Variants in RREB1 observed in about 807,000 individuals in gnomAD.
RREB1 encodes the protein ras-responsive element-binding protein 1.
Under a neutral mutation model 117.8 loss-of-function variants are expected in RREB1, and 27 were observed. That is an observed-to-expected ratio of 0.23 (90% CI 0.17 to 0.32). The LOEUF (loss-of-function observed/expected upper bound fraction) is 0.32. RREB1 is among the 10% of genes least tolerant of loss of function. RREB1 has a pLI of 1.00. For synonymous variants in RREB1, 1,298 were observed against 1,026.7 expected, an observed-to-expected ratio of 1.26 and a Z score of -5.05; for missense variants, 2,577 against 2,378.2, an observed-to-expected ratio of 1.08 and a Z score of -1.74.
In RREB1 at chr6:7,230,952, C is replaced by G; in HGVS notation, c.2853C>G (p.Ala951=). Residue 951 remains alanine (A), a synonymous_variant, in exon 10 of 13, where the codon GCC becomes GCG. Transcript: ENST00000379938. ...KNFRKGDKDL[A]TPSEAKKPEE... ...TCAGGAAAGGGGACAAGGATTTGGC[C>G]ACTCCCAGCGAAGCCAAGAAGCCTG... 1 of 1,614,042 alleles carries G rather than the reference C, an allele frequency of 6.2e-7. No individual in the cohort carries two copies. The highest frequency in any genetic ancestry group is 1.1e-5 in the South Asian group (1 of 91,060).
At chr6:7,207,080 C>CA (rs1324649158) in intron 6 of RREB1, among the ~76,000 whole-genome samples, 1 of 152,052 alleles carries the variant, frequency 6.6e-6, no homozygotes, top group African/African-American at 2.4e-5. Context: ...AATAAGAGAG[C>CA]AAGAGGAAGA....
At chr6:7,186,864 TGAG>T (rs1765108125) in intron 4 of RREB1, among the ~76,000 whole-genome samples, 1 of 152,152 alleles carries the variant, frequency 6.6e-6, no homozygotes, top group African/African-American at 2.4e-5. Context: ...ATGTTTTTGT[TGAG>T]TATTTATGAG....
chr6:7,194,628 A>G (rs1765576894), intron 6 of RREB1, among the ~76,000 whole-genome samples: 1 of 152,190 alleles, frequency 6.6e-6, no homozygotes, highest in Non-Finnish European at 1.5e-5. Flanking sequence ...ATCAGAGGAG[A>G]GGACTAAATT....
At position 7,247,026 on chromosome 6, in the gene RREB1, A is replaced by G; in HGVS notation, c.4576A>G (p.Thr1526Ala). 6.2e-7 allele frequency: 1 copy of G among 1,610,654 alleles called. No individual in the cohort carries two copies. The highest frequency in any genetic ancestry group is 1.7e-4 in the Middle Eastern group (1 of 6,050). The change falls in exon 12 of 13, where the codon ACG becomes GCG. Residue 1526 changes from threonine (T) to alanine (A), a missense_variant. Thr to Ala is a moderately conservative substitution (Grantham distance 58). Transcript: ENST00000379938. ...EAPAEKLAEE[T>A]EGPSDGESAA... ...CCCGGCGGAAAAGCTCGCGGAGGAGACGGAGGGCCCCTCCGACGGGGAGAG... is the reference window on the plus strand; with the variant it reads ...CCCGGCGGAAAAGCTCGCGGAGGAGGCGGAGGGCCCCTCCGACGGGGAGAG...
At chr6:7,129,481 C>G (rs1022232213) in intron 1 of RREB1, among the ~76,000 whole-genome samples, 2 of 152,190 alleles carry the variant, frequency 1.3e-5, no homozygotes, top group African/African-American at 2.4e-5. Flanking sequence ...GGGTGACTGC[C>G]GTGGCTCACT....
chr6:7,251,489 C>CTTGTTTTTTTTTTTTTTTTTTT lies in RREB1; in HGVS notation c.*2523_*2524insGTTTTTTTTTTTTTTTTTTTTT, dbSNP rs747198771. Reference sequence around the variant, plus strand: ...GTTTTTTGAGGTGCAAGTTTTTTCTCTTTTTTTTTTTTTTTTTTTTTTCTC... The same window carrying CTTGTTTTTTTTTTTTTTTTTTT: ...GTTTTTTGAGGTGCAAGTTTTTTCTCTTGTTTTTTTTTTTTTTTTTTTTTTTTTTTTTTTTTTTTTTTTTCTC... On this transcript the variant is annotated 3_prime_UTR_variant, in exon 13 of 13. Transcript: ENST00000379938. 1.6e-5 allele frequency: 2 copies of CTTGTTTTTTTTTTTTTTTTTTT among 121,354 alleles called. 1 individual carries two copies. Among genetic ancestry groups the CTTGTTTTTTTTTTTTTTTTTTT allele is most frequent in the Non-Finnish European group, 3.4e-5 (2 of 58,340 alleles). 7.5% of individuals were successfully genotyped at this position (121,354 alleles called of 1,614,324 possible).
chr6:7,207,041 T>G (rs200744165), intron 6 of RREB1, among the ~76,000 whole-genome samples: 1 of 152,296 alleles, frequency 6.6e-6, no homozygotes, highest in East Asian at 1.9e-4. Context: ...TTTTAGATGC[T>G]CAGTCTGGCT....
intron 5 of RREB1, among the ~76,000 whole-genome samples, chr6:7,188,250 T>TGC (rs1554122418): frequency 2.3e-4 from 33 of 146,236 alleles, no homozygotes; most frequent in African/African-American, 2.3e-4. Flanking sequence ...TGTGTGTGTG[T>TGC]GTGCGCGCGC....
chr6:7,230,137 G>T lies in RREB1; in HGVS notation c.2038G>T (p.Ala680Ser). The T allele has an allele frequency of 6.2e-7, 1 of 1,604,744 alleles. No homozygotes were observed. Residue 680 changes from alanine to serine, a missense_variant, in exon 10 of 13, where the codon GCC (alanine) becomes TCC (serine). By Grantham distance (99) the Ala-to-Ser change is moderately conservative (BLOSUM62 1). Transcript: ENST00000379938. ...PYQCNICDYI[A>S]ADKAALIRHL... is the part of the protein sequence containing the mutation. Reference sequence around the variant, plus strand: ...CCAGTGCAACATCTGCGACTACATCGCCGCCGACAAGGCCGCGCTCATCCG... The same window carrying T: ...CCAGTGCAACATCTGCGACTACATCTCCGCCGACAAGGCCGCGCTCATCCG...
chr6:7,200,282 AT>A (rs1163811223), intron 6 of RREB1, among the ~76,000 whole-genome samples: 15,652 of 97,736 alleles, frequency 0.16, 1,402 homozygotes, highest in African/African-American at 0.36. Context: ...GTGTGTGTGT[AT>A]TTTTTTTTTT....
rs1425137047 is a variant in RREB1, at chr6:7,230,502, C to T, written c.2403C>T (p.Ala801=). Residue 801 remains alanine (A), a synonymous_variant, in exon 10 of 13, where the codon GCC becomes GCT. Transcript: ENST00000379938. The part of the protein sequence containing the change: ...ECKECSAAFA[A]KRNCIHHILK... Reference sequence around the variant, plus strand: ...AGGAGTGCAGCGCCGCGTTCGCGGCCAAGCGCAACTGCATCCACCACATCC... The same window carrying T: ...AGGAGTGCAGCGCCGCGTTCGCGGCTAAGCGCAACTGCATCCACCACATCC... 6 of 1,593,524 alleles carry T rather than the reference C, an allele frequency of 3.8e-6. No individual in the cohort carries two copies. In the African/African-American group the frequency reaches 4.0e-5, roughly 11 times the overall value.
At chr6:7,136,345 T>G (rs905340434) in intron 1 of RREB1, among the ~76,000 whole-genome samples, 3 of 152,252 alleles carry the variant, frequency 2.0e-5, no homozygotes, top group Middle Eastern at 3.2e-3. Context: ...AATTGTTTAA[T>G]TGGCTAGGAT....
intron 1 of RREB1, among the ~76,000 whole-genome samples, chr6:7,167,544 G>A (rs1352938617): frequency 2.0e-5 from 3 of 152,044 alleles, no homozygotes; most frequent in Non-Finnish European, 4.4e-5. Context: ...TAGTAGAGAT[G>A]GGGTTTCACT....
At chr6:7,150,915 G>A (rs974937643) in intron 1 of RREB1, among the ~76,000 whole-genome samples, 4 of 152,258 alleles carry the variant, frequency 2.6e-5, no homozygotes, top group Non-Finnish European at 4.4e-5. Flanking sequence ...TTGGGGTGGT[G>A]GAGCCAGGAG....
chr6:7,148,078 C>T (rs986343229), intron 1 of RREB1, among the ~76,000 whole-genome samples: 4 of 152,086 alleles, frequency 2.6e-5, no homozygotes, highest in Non-Finnish European at 4.4e-5. Flanking sequence ...GATGTGCTTG[C>T]GAGTGAGTGA....
chr6:7,186,451 C>T (rs1765086164), intron 4 of RREB1, among the ~76,000 whole-genome samples: 1 of 152,182 alleles, frequency 6.6e-6, no homozygotes, highest in Non-Finnish European at 1.5e-5. Flanking sequence ...GCATAGAAAC[C>T]AACCCCCCAG....
At chr6:7,237,432 T>C (rs1319040194) in intron 10 of RREB1, among the ~76,000 whole-genome samples, 1 of 151,958 alleles carries the variant, frequency 6.6e-6, no homozygotes, top group Non-Finnish European at 1.5e-5. Flanking sequence ...CTCACTGTGT[T>C]GCCCAAGTTG....
intron 8 of RREB1, among the ~76,000 whole-genome samples, chr6:7,221,319 C>T (rs1013271843): frequency 1.3e-5 from 2 of 152,158 alleles, no homozygotes; most frequent in African/African-American, 4.8e-5. Context: ...CAGGCGCCCG[C>T]CACTGCGCCC....
rs778639578 is a variant in RREB1, at chr6:7,181,923, T to G, written c.12T>G (p.Ser4Arg). 3.7e-6 allele frequency: 6 copies of G among 1,614,150 alleles called. No individual in the cohort carries two copies. Among genetic ancestry groups the G allele is most frequent in the Non-Finnish European group, 5.1e-6 (6 of 1,180,044 alleles). MTS[S>R]SPAGLEGSDL... ...AAACCCCTGTCCCAATGACGTCAAG[T>G]TCGCCCGCTGGCTTGGAAGGTTCAG... Residue 4 changes from serine to arginine, a missense_variant, in exon 4 of 13, where the codon AGT becomes AGG. Coordinates refer to ENST00000379938, the MANE Select transcript of RREB1 (RefSeq NM_001003699.4).
Sources: allele counts gnomAD v4.1 joint callset (sites outside exome capture counted in the v4.1 genomes callset), GRCh38; gene constraint gnomAD v4.1.1; transcripts MANE v1.5; gene names NCBI Gene and HGNC (gene_info 2026-07-23, HGNC 2026-07-21).